OR1D2: variants seen among roughly 807,000 people sequenced by gnomAD.
OR1D2 encodes the protein olfactory receptor family 1 subfamily D member 2, also known as olfactory receptor 1D2.
For missense variants in OR1D2, 357 were observed against 376.1 expected (o/e 0.95, Z 0.42); for synonymous variants, 157 against 153.9 (o/e 1.02, Z -0.15).
Position 3,092,445 on chromosome 17 carries a change from C to T in OR1D2, c.552G>A (p.Leu184=). The T allele has an allele frequency of 6.2e-7, 1 of 1,614,194 alleles. No homozygotes were observed. Among genetic ancestry groups the T allele is most frequent in the Non-Finnish European group, 8.5e-7 (1 of 1,180,040 alleles). Residue 184 remains leucine (L), a synonymous_variant, in exon 2 of 2, where the codon TTG becomes TTA. Transcript: ENST00000641833. ...GAATGTTGGAACATGCCATCCTCAG[C>T]AATACATACATCTCACAGAAGATGT... ...IHYIFCEMYV[L]LRMACSNIQI...
intron 1 of OR1D2, among the ~76,000 whole-genome samples, chr17:3,097,343 C>G (rs2047850989): frequency 6.6e-6 from 1 of 152,132 alleles, no homozygotes; most frequent in Non-Finnish European, 1.5e-5. Flanking sequence ...GAAGTCCTAG[C>G]CAGAGCAATA....
rs1331477833 is a variant in OR1D2 at position 3,088,865 on chromosome 17, T to C, written c.*3193A>G. 6.6e-6 allele frequency: 1 copy of C among 151,592 alleles called. No homozygotes were observed. Among genetic ancestry groups the C allele is most frequent in the Non-Finnish European group, 1.5e-5 (1 of 67,986 alleles). The allele number at this position is 151,592 out of a possible 1,614,324, so 9.4% of individuals were successfully genotyped here. A position where few individuals can be genotyped will look rare whatever the true frequency, so the allele number is the denominator to read the frequency against. On this transcript the variant is annotated 3_prime_UTR_variant, in exon 2 of 2. Coordinates refer to ENST00000641833, the MANE Select transcript of OR1D2 (RefSeq NM_002548.3). ...GAGGCAGAAATTGGGCATAAGACAA[T>C]ATGAGGGGTGGTCTCCACCCTTACT...
Position 3,091,952 on chromosome 17 carries a change from C to T in OR1D2, c.*106G>A. ...CACATATCTATATGCTGTCTCTGAG[C>T]TGGAGCCATGTCCCAATCACTGCTG... On this transcript the variant is annotated 3_prime_UTR_variant, in exon 2 of 2. Coordinates refer to ENST00000641833, the MANE Select transcript of OR1D2 (RefSeq NM_002548.3). The T allele has an allele frequency of 1.2e-6, 1 of 836,608 alleles. No homozygotes were observed. Among genetic ancestry groups the T allele is most frequent in the Non-Finnish European group, 1.9e-6 (1 of 519,314 alleles). 51.8% of individuals were successfully genotyped at this position (836,608 alleles called of 1,614,324 possible). A position where few individuals can be genotyped will look rare whatever the true frequency, so the allele number is the denominator to read the frequency against.
chr17:3,093,574 C>T (rs184602699), intron 1 of OR1D2, among the ~76,000 whole-genome samples: 2 of 152,296 alleles, frequency 1.3e-5, no homozygotes, highest in Admixed American at 1.3e-4. Context: ...TCAGTTTCTT[C>T]ATGCGAATCA....
chr17:3,096,311 GA>G (rs142263992), intron 1 of OR1D2, among the ~76,000 whole-genome samples: 1 of 152,276 alleles, frequency 6.6e-6, no homozygotes, highest in Non-Finnish European at 1.5e-5. Context: ...ATAAAAACAT[GA>G]TTCATTTATA....
At position 3,097,947 on chromosome 17, in the gene OR1D2, C is replaced by G. The variant is rs113068846; in HGVS notation, c.-50-4901G>C. 3.7e-3 allele frequency among the ~76,000 whole-genome samples: 565 copies of G among 152,308 alleles called. 3 individuals are homozygous for G. The highest frequency in any genetic ancestry group is 0.018 in the South Asian group (86 of 4,834). ...CCTCTTCAGGCCTGACCCTGACCCACTCTTCCTCACTGGGTGGGGCCTCAA... is the reference window on the plus strand; with the variant it reads ...CCTCTTCAGGCCTGACCCTGACCCAGTCTTCCTCACTGGGTGGGGCCTCAA... On this transcript the variant is annotated intron_variant, in intron 1 of 1. Coordinates refer to ENST00000641833, the MANE Select transcript of OR1D2 (RefSeq NM_002548.3).
intron 1 of OR1D2, among the ~76,000 whole-genome samples, chr17:3,100,763 G>C (rs1315726100): frequency 6.6e-6 from 1 of 151,954 alleles, no homozygotes; most frequent in Admixed American, 6.6e-5. Context: ...TAACAAAATG[G>C]ATAGACTGCT....
chr17:3,103,149 G>C (rs1326096371), intron 1 of OR1D2, among the ~76,000 whole-genome samples: 1 of 152,246 alleles, frequency 6.6e-6, no homozygotes, highest in Non-Finnish European at 1.5e-5. Flanking sequence ...AGGGAGGGTA[G>C]AGGGCAGGTG....
intron 1 of OR1D2, among the ~76,000 whole-genome samples, chr17:3,095,647 A>ATC (rs752904161): frequency 3.4e-5 from 5 of 145,306 alleles, no homozygotes; most frequent in East Asian, 1.9e-4. Flanking sequence ...TATTGATATA[A>ATC]TCTATATATC....
At chr17:3,094,654 A>C (rs552504242) in intron 1 of OR1D2, among the ~76,000 whole-genome samples, 1 of 152,282 alleles carries the variant, frequency 6.6e-6, no homozygotes, top group East Asian at 1.9e-4. Flanking sequence ...ATGAGGAAAA[A>C]ATCAGGCAAC....
Position 3,097,807 on chromosome 17 carries a change from CTA to C in OR1D2, c.-50-4763_-50-4762del, listed in dbSNP as rs1314752711. ...GGTGGGGGAAGGGCGGCAGCCATCT[CTA>C]TAGCTCCAGCCCACACTTTTCCCCT... On this transcript the variant is annotated intron_variant, in intron 1 of 1. Transcript: ENST00000641833. Among the ~76,000 whole-genome samples the C allele has an allele frequency of 2.0e-5, 3 of 152,154 alleles. No homozygotes were observed. In the South Asian group the frequency reaches 6.2e-4, roughly 31 times the overall value.
chr17:3,095,078 G>A (rs1199577447), intron 1 of OR1D2, among the ~76,000 whole-genome samples: 3 of 151,550 alleles, frequency 2.0e-5, no homozygotes, highest in African/African-American at 7.3e-5. Flanking sequence ...ACAGGAGAGA[G>A]AAAAATCAGA....
intron 1 of OR1D2, among the ~76,000 whole-genome samples, chr17:3,095,768 T>G (rs1053905697): frequency 6.6e-6 from 1 of 152,088 alleles, no homozygotes; most frequent in South Asian, 2.1e-4. Context: ...ATGTATATGA[T>G]GTATCGTTGA....
At chr17:3,103,942 G>A (rs2047885468) in intron 1 of OR1D2, among the ~76,000 whole-genome samples, 157 bp downstream of exon 1, 1 of 152,180 alleles carries the variant, frequency 6.6e-6, no homozygotes, top group Non-Finnish European at 1.5e-5. Context: ...AGATTCAAGG[G>A]ATTGTTCTAT....
intron 1 of OR1D2, among the ~76,000 whole-genome samples, chr17:3,096,844 C>G (rs943551757): frequency 7.2e-5 from 11 of 152,010 alleles, no homozygotes; most frequent in Admixed American, 7.2e-4. Context: ...AGATTTGATC[C>G]ACACTGTAAA....
chr17:3,096,714 C>T (rs748551211), intron 1 of OR1D2, among the ~76,000 whole-genome samples: 49 of 152,164 alleles, frequency 3.2e-4, no homozygotes, highest in Non-Finnish European at 4.6e-4. Context: ...CACCCAAATA[C>T]GTGAAGGGAA....
Position 3,092,514 on chromosome 17 carries a change from G to A in OR1D2, c.483C>T (p.Leu161=), listed in dbSNP as rs750476541. 8 of 1,614,188 alleles carry A rather than the reference G, an allele frequency of 5.0e-6. No individual in the cohort carries two copies. The highest frequency in any genetic ancestry group is 1.3e-5 in the African/African-American group (1 of 75,030). ...CACAGAAGGTCACTCTGGTCATGAG[G>A]AGGGTGTGTATGAGGCCATAGAGGA... ...LSVLYGLIHT[L]LMTRVTFCGS... Residue 161 remains leucine (L), a synonymous_variant, in exon 2 of 2, where the codon CTC becomes CTT. Transcript: ENST00000641833.
chr17:3,092,452 T>C lies in OR1D2; in HGVS notation c.545A>G (p.Tyr182Cys). ...RKIHYIFCEMYVLLRMACSNI... is the reference protein window; with the variant it reads ...RKIHYIFCEMCVLLRMACSNI... ...GGAACATGCCATCCTCAGCAATACA[T>C]ACATCTCACAGAAGATGTAGTGGAT... Residue 182 changes from tyrosine (Y) to cysteine (C), a missense_variant, in exon 2 of 2, where the codon TAT (tyrosine) becomes TGT (cysteine). Transcript: ENST00000641833. 12 of 1,614,192 alleles carry C rather than the reference T, an allele frequency of 7.4e-6. No homozygotes were observed. Among genetic ancestry groups the C allele is most frequent in the Non-Finnish European group, 1.0e-5 (12 of 1,180,022 alleles).
At position 3,092,869 on chromosome 17, in the gene OR1D2, A is replaced by C. The variant is rs373804140; in HGVS notation, c.128T>G (p.Val43Gly). The change falls in exon 2 of 2, where the codon GTG becomes GGG. Residue 43 changes from valine (V) to glycine (G), a missense_variant. Transcript: ENST00000641833. ...AGAGCTGATGGCCAGGATGATGAGC[A>C]CATTTCCCACCACCGTGACCAGGTA... ...SMYLVTVVGN[V>G]LIILAISSDS... is the part of the protein sequence containing the mutation. 4 of 1,613,956 alleles carry C rather than the reference A, an allele frequency of 2.5e-6. No homozygotes were observed. In the African/African-American group the frequency reaches 5.3e-5, roughly 22 times the overall value.
Sources: gnomAD v4.1 joint callset for allele counts (sites outside exome capture counted in the v4.1 genomes callset) on GRCh38, gnomAD v4.1.1 for gene constraint, MANE v1.5 for transcripts, NCBI Gene and HGNC (gene_info 2026-07-23, HGNC 2026-07-21) for gene names.